Variants in SORL1-AS1 observed in about 807,000 individuals in gnomAD.
SORL1-AS1 encodes the protein SORL1 antisense RNA 1.
the SORL1-AS1 span, among the ~76,000 whole-genome samples, chr11:121,440,943 A>C: frequency 6.6e-6 from 1 of 152,200 alleles, no homozygotes; most frequent in Admixed American, 6.5e-5. Flanking sequence ...GTCTTTTGTT[A>C]TAGGAGTGTT....
At position 121,452,659 on chromosome 11, in the gene SORL1-AS1, C is replaced by T. The variant is rs1281458176; in HGVS notation, n.339+16G>A. The T allele has an allele frequency of 2.1e-6, 3 of 1,396,516 alleles. No homozygotes were observed. Among genetic ancestry groups the T allele is most frequent in the South Asian group, 1.5e-5 (1 of 64,766 alleles). 86.5% of individuals were successfully genotyped at this position (1,396,516 alleles called of 1,614,324 possible). A position where few individuals can be genotyped will look rare whatever the true frequency, so the allele number is the denominator to read the frequency against. On this transcript the variant is annotated intron_variant and non_coding_transcript_variant, in intron 1 of 1. Transcript: ENST00000501964. The surrounding 1 kb of genome is among the most constrained non-coding windows in gnomAD (Gnocchi z 5.3). ...CCGCCTCCCTCCAGTTTTTTCCTCT[C>T]CCTGCACTTCCTCACCCCCGCATCC...
At chr11:121,447,461 T>G (rs1860739667) in exon 2 of SORL1-AS1, 1 of 152,122 alleles carries the variant, frequency 6.6e-6, no homozygotes, top group Non-Finnish European at 1.5e-5. Flanking sequence ...TACTGGCATG[T>G]GCTACCATGC....
downstream of SORL1-AS1, among the ~76,000 whole-genome samples, chr11:121,445,434 AG>A (rs1860709642): frequency 6.6e-6 from 1 of 152,162 alleles, no homozygotes; most frequent in Non-Finnish European, 1.5e-5. Context: ...CAGTGCTGAA[AG>A]GGACGAGCTG....
the SORL1-AS1 span, among the ~76,000 whole-genome samples, chr11:121,439,427 C>T: frequency 7.9e-5 from 12 of 151,714 alleles, no homozygotes; most frequent in East Asian, 2.3e-3. Context: ...CATTGATTGT[C>T]CTTTTATTAC....
downstream of SORL1-AS1, among the ~76,000 whole-genome samples, chr11:121,446,621 C>T (rs1237330692): frequency 6.6e-6 from 1 of 152,058 alleles, no homozygotes; most frequent in East Asian, 1.9e-4. Flanking sequence ...TGTGATGACA[C>T]ATGCCTATAA....
In SORL1-AS1 at chr11:121,452,180, C is replaced by A; in HGVS notation, n.339+495G>T. 1 of 248,404 alleles carries A rather than the reference C, an allele frequency of 4.0e-6. No homozygotes were observed. Among genetic ancestry groups the A allele is most frequent in the Non-Finnish European group, 6.4e-6 (1 of 157,404 alleles). 15.4% of individuals were successfully genotyped at this position (248,404 alleles called of 1,614,324 possible). On this transcript the variant is annotated intron_variant and non_coding_transcript_variant, in intron 1 of 1. Transcript: ENST00000501964. The surrounding 1 kb of genome is among the most constrained non-coding windows in gnomAD (Gnocchi z 5.3). ...CGAACCGAGCGGGACCTGGCGGCAGCGGCGGCGGGCGCAGCGGGGCGGCCC... is the reference window on the plus strand; with the variant it reads ...CGAACCGAGCGGGACCTGGCGGCAGAGGCGGCGGGCGCAGCGGGGCGGCCC...
exon 2 of SORL1-AS1, chr11:121,447,773 A>C (rs906924427): frequency 5.3e-5 from 8 of 152,114 alleles, no homozygotes; most frequent in Admixed American, 5.2e-4. Flanking sequence ...TCAGGGCGTG[A>C]GGGTCAAGCA....
downstream of SORL1-AS1, among the ~76,000 whole-genome samples, chr11:121,445,550 C>G (rs1211219256): frequency 2.0e-5 from 3 of 152,096 alleles, no homozygotes; most frequent in Admixed American, 6.5e-5. Flanking sequence ...CTACCTGTTC[C>G]CACACCCTAC....
rs2134754032 is a variant in SORL1-AS1 at position 121,450,669 on chromosome 11, C to A, written n.340-770G>T. Among the ~76,000 whole-genome samples, 1 of 152,114 alleles carries A rather than the reference C, an allele frequency of 6.6e-6. No individual in the cohort carries two copies. Among genetic ancestry groups the A allele is most frequent in the Middle Eastern group, 3.4e-3 (1 of 294 alleles). ...CTGGGGAAAGTGTGGTATTTTGATA[C>A]CTGTATACAATGTATAATGAACAAA... is the stretch of plus-strand genomic sequence containing the variant. On this transcript the variant is annotated intron_variant and non_coding_transcript_variant, in intron 1 of 1. Coordinates refer to ENST00000501964, the Ensembl canonical transcript of SORL1-AS1. The surrounding 1 kb of genome is among the most constrained non-coding windows in gnomAD (Gnocchi z 5.2).
At position 121,452,674 on chromosome 11, in the gene SORL1-AS1, C is replaced by T. The variant is rs1860823430; in HGVS notation, n.339+1G>A. Reference sequence around the variant, plus strand: ...TTTTTCCTCTCCCTGCACTTCCTCACCCCCGCATCCATCCGTTGCAGTCGC... The same window carrying T: ...TTTTTCCTCTCCCTGCACTTCCTCATCCCCGCATCCATCCGTTGCAGTCGC... On this transcript the variant is annotated splice_donor_variant and non_coding_transcript_variant, in intron 1 of 1. Transcript: ENST00000501964. The surrounding 1 kb of genome is among the most constrained non-coding windows in gnomAD (Gnocchi z 5.3). The T allele has an allele frequency of 2.2e-6, 3 of 1,351,862 alleles. No individual in the cohort carries two copies. Among genetic ancestry groups the T allele is most frequent in the Non-Finnish European group, 2.9e-6 (3 of 1,046,422 alleles). 83.7% of individuals were successfully genotyped at this position (1,351,862 alleles called of 1,614,324 possible). A position where few individuals can be genotyped will look rare whatever the true frequency, so the allele number is the denominator to read the frequency against.
downstream of SORL1-AS1, among the ~76,000 whole-genome samples, chr11:121,445,512 C>T (rs1000266325): frequency 6.6e-6 from 1 of 152,168 alleles, no homozygotes; most frequent in East Asian, 1.9e-4. Context: ...TTGGCCTTCC[C>T]AGCCTCCCAT....
downstream of SORL1-AS1, among the ~76,000 whole-genome samples, chr11:121,445,477 A>G (rs1299722712): frequency 6.6e-6 from 1 of 152,014 alleles, no homozygotes; most frequent in Non-Finnish European, 1.5e-5. Flanking sequence ...CTGTCCCCAC[A>G]GCTCTCCTTT....
downstream of SORL1-AS1, among the ~76,000 whole-genome samples, chr11:121,445,073 T>C (rs1226134222): frequency 6.6e-6 from 1 of 152,216 alleles, no homozygotes; most frequent in Non-Finnish European, 1.5e-5. Flanking sequence ...TTTAATGTAA[T>C]TTAAGGGCTC....
downstream of SORL1-AS1, among the ~76,000 whole-genome samples, chr11:121,442,401 G>A (rs746854841): frequency 1.3e-5 from 2 of 152,110 alleles, no homozygotes; most frequent in Non-Finnish European, 2.9e-5. Flanking sequence ...TTGGAAAGCC[G>A]AGGTGGGTGG....
chr11:121,451,296 A>G (rs74687267), intron 1 of SORL1-AS1, among the ~76,000 whole-genome samples: 81 of 152,354 alleles, frequency 5.3e-4, no homozygotes, highest in African/African-American at 1.8e-3. Flanking sequence ...GTTCCATGGC[A>G]GAAGTTTTAT....
downstream of SORL1-AS1, among the ~76,000 whole-genome samples, chr11:121,445,731 G>A (rs375313701): frequency 2.0e-5 from 3 of 151,756 alleles, no homozygotes; most frequent in East Asian, 5.8e-4. Flanking sequence ...CAGAGAGTTT[G>A]CCTATCACCC....
downstream of SORL1-AS1, among the ~76,000 whole-genome samples, chr11:121,446,632 T>C (rs1860727952): frequency 6.6e-6 from 1 of 151,782 alleles, no homozygotes; most frequent in Non-Finnish European, 1.5e-5. Context: ...ATGCCTATAA[T>C]CCCAGCTACT....
At chr11:121,448,256 A>G (rs1044062687) in exon 2 of SORL1-AS1, 1 of 152,268 alleles carries the variant, frequency 6.6e-6, no homozygotes, top group African/African-American at 2.4e-5. Flanking sequence ...AATTTAATCA[A>G]GAGTGAGAAT....
At chr11:121,447,824 A>C (rs1860742870) in exon 2 of SORL1-AS1, 1 of 152,124 alleles carries the variant, frequency 6.6e-6, no homozygotes, top group South Asian at 2.1e-4. Context: ...AGGAAGGGAG[A>C]CAGTGCTGGT....
Sources: allele counts gnomAD v4.1 joint callset (sites outside exome capture counted in the v4.1 genomes callset), GRCh38; gene constraint gnomAD v4.1.1; non-coding constraint Gnocchi (gnomAD v3.1); transcripts MANE v1.5; gene names NCBI Gene and HGNC (gene_info 2026-07-23, HGNC 2026-07-21).